DCC: variants seen among roughly 807,000 people sequenced by gnomAD.
The protein encoded by DCC is netrin receptor DCC.
Under a neutral mutation model 172.5 loss-of-function variants are expected in DCC, and 58 were observed. That is an observed-to-expected ratio of 0.34 (90% CI 0.27 to 0.42). The LOEUF (loss-of-function observed/expected upper bound fraction) is 0.42. Ranked by LOEUF, DCC falls within the 10% of genes least tolerant of loss-of-function variation. The probability of loss-of-function intolerance (pLI) is 1.00; values close to 1 mark genes in which losing one functional copy is unlikely to be tolerated. For missense variants in DCC, 1,740 were observed against 1,791.0 expected (o/e 0.97, Z 0.51); for synonymous variants, 709 against 644.5 (o/e 1.10, Z -1.52).
chr18:52,932,722 T>C (rs1274696360), intron 5 of DCC, among the ~76,000 whole-genome samples: 3 of 152,114 alleles, frequency 2.0e-5, no homozygotes, highest in Non-Finnish European at 4.4e-5. Context: ...AGCCTGAAGA[T>C]GATAGACTCA....
At chr18:52,894,158 T>C (rs1456677043) in intron 2 of DCC, among the ~76,000 whole-genome samples, 1 of 152,186 alleles carries the variant, frequency 6.6e-6, no homozygotes, top group East Asian at 1.9e-4. Context: ...TTTCTGATTA[T>C]TGATTTCCCA....
intron 27 of DCC, 105 bp from the exon 28 acceptor site, chr18:53,526,512 T>C (rs2144617138): frequency 8.3e-7 from 1 of 1,205,426 alleles, no homozygotes; most frequent in East Asian, 2.3e-5. Flanking sequence ...GAATGAGCAA[T>C]AACCTAAAAT....
intron 5 of DCC, among the ~76,000 whole-genome samples, chr18:53,008,210 C>A (rs2041674139): frequency 6.6e-6 from 1 of 152,064 alleles, no homozygotes; most frequent in African/African-American, 2.4e-5. Context: ...GAATTTCATT[C>A]AACAGACTTA....
At chr18:52,968,436 A>G (rs1598981723) in intron 5 of DCC, among the ~76,000 whole-genome samples, 1 of 152,062 alleles carries the variant, frequency 6.6e-6, no homozygotes, top group Non-Finnish European at 1.5e-5. Flanking sequence ...GTGCAGAGGG[A>G]GCAGCTGTGT....
intron 2 of DCC, among the ~76,000 whole-genome samples, chr18:52,797,554 C>T (rs527737651): frequency 6.6e-6 from 1 of 152,296 alleles, no homozygotes; most frequent in African/African-American, 2.4e-5. Flanking sequence ...GTGGCTTAGA[C>T]TGCAATTGTT....
At chr18:53,198,025 A>G (rs1423892026) in intron 9 of DCC, among the ~76,000 whole-genome samples, 1 of 152,172 alleles carries the variant, frequency 6.6e-6, no homozygotes, top group Non-Finnish European at 1.5e-5. Flanking sequence ...TCTATTTCAC[A>G]AACACATTTT....
chr18:52,525,164 A>C (rs1449263523), intron 1 of DCC, among the ~76,000 whole-genome samples: 1 of 152,152 alleles, frequency 6.6e-6, no homozygotes, highest in Non-Finnish European at 1.5e-5. Context: ...ACTCTGAAAT[A>C]ATGAAGCTGT....
At chr18:53,208,818 C>T (rs1206202255) in intron 11 of DCC, among the ~76,000 whole-genome samples, 1 of 152,152 alleles carries the variant, frequency 6.6e-6, no homozygotes, top group African/African-American at 2.4e-5. Flanking sequence ...CAACCTCCAC[C>T]TCTCGGGTTT....
chr18:53,354,555 T>C (rs1275446215), intron 15 of DCC, among the ~76,000 whole-genome samples: 2 of 152,194 alleles, frequency 1.3e-5, no homozygotes, highest in South Asian at 2.1e-4. Flanking sequence ...GCTGCATAAA[T>C]GTCTTCTTTT....
chr18:53,416,058 T>G, intron 20 of DCC, 66 bp from the exon 21 acceptor site: 1 of 1,190,582 alleles, frequency 8.4e-7, no homozygotes, highest in South Asian at 1.2e-5. Flanking sequence ...ACTGTTGGTT[T>G]GATATGTCAG....
chr18:53,127,466 G>C (rs2043580495), intron 7 of DCC, among the ~76,000 whole-genome samples: 1 of 151,928 alleles, frequency 6.6e-6, no homozygotes, highest in Non-Finnish European at 1.5e-5. Flanking sequence ...CAGTCTGCAG[G>C]GTCCCTAGAA....
chr18:52,822,206 G>A (rs12605728), intron 2 of DCC, among the ~76,000 whole-genome samples: 17,107 of 152,130 alleles, frequency 0.11, 1,044 homozygotes, highest in South Asian at 0.2. Context: ...CTGGTTTTGT[G>A]AAACTATGAG....
chr18:53,347,487 T>C (rs1457632461), intron 15 of DCC, among the ~76,000 whole-genome samples: 1 of 152,180 alleles, frequency 6.6e-6, no homozygotes, highest in African/African-American at 2.4e-5. Context: ...GCAGCTGTTA[T>C]TGTGAACATT....
At chr18:52,990,538 CCCAAAAAAAAA>C (rs1455190521) in intron 5 of DCC, among the ~76,000 whole-genome samples, 3 of 76,270 alleles carry the variant, frequency 3.9e-5, no homozygotes, top group Middle Eastern at 7.5e-3. Flanking sequence ...AAAACTCCAT[CCCAAAAAAAAA>C]AAAAAAAAAA....
At chr18:53,311,105 ATTTATTTATTTAT>A (rs953509549) in intron 13 of DCC, among the ~76,000 whole-genome samples, 1 of 141,132 alleles carries the variant, frequency 7.1e-6, no homozygotes. Flanking sequence ...ATTTTATTTC[ATTTATTTATTTAT>A]TTTATTTATT....
intron 2 of DCC, among the ~76,000 whole-genome samples, chr18:52,755,695 G>C (rs2037066329): frequency 6.6e-6 from 1 of 152,040 alleles, no homozygotes; most frequent in South Asian, 2.1e-4. Flanking sequence ...CCACTAAATG[G>C]TAACAGTAGG....
At chr18:52,675,614 G>A (rs1369794222) in intron 1 of DCC, among the ~76,000 whole-genome samples, 1 of 152,068 alleles carries the variant, frequency 6.6e-6, no homozygotes. Flanking sequence ...CTCATATTTG[G>A]CTCAGGATAA....
At chr18:52,995,226 A>T (rs916650855) in intron 5 of DCC, among the ~76,000 whole-genome samples, 2 of 152,142 alleles carry the variant, frequency 1.3e-5, no homozygotes, top group Non-Finnish European at 2.9e-5. Context: ...CTAGAACTAC[A>T]TAAGTGACTC....
intron 14 of DCC, among the ~76,000 whole-genome samples, chr18:53,326,544 G>C (rs2057470159): frequency 6.6e-6 from 1 of 152,102 alleles, no homozygotes; most frequent in Non-Finnish European, 1.5e-5. Context: ...ATATTTGAAG[G>C]AATGAACAAG....
Sources: gnomAD v4.1 joint callset for allele counts (sites outside exome capture counted in the v4.1 genomes callset) on GRCh38, gnomAD v4.1.1 for gene constraint, MANE v1.5 for transcripts, NCBI Gene and HGNC (gene_info 2026-07-23, HGNC 2026-07-21) for gene names.